The following SPATA21 variants were observed in gnomAD, a reference collection of about 807,000 sequenced individuals.
SPATA21 encodes the protein spermatogenesis associated 21.
In SPATA21, 47 loss-of-function variants were observed where a neutral mutation model predicts 54.8. That is an observed-to-expected ratio of 0.86 (90% CI 0.68 to 1.09). The LOEUF is 1.09. SPATA21 is among the 50% of genes least tolerant of loss of function. SPATA21 has a pLI of 0.00. For synonymous variants in SPATA21, 245 were observed against 235.3 expected (o/e 1.04, Z -0.38); for missense variants, 599 against 596.4 (o/e 1.00, Z -0.05).
At chr1:16,432,119 T>C (rs1323779085) in intron 2 of SPATA21, among the ~76,000 whole-genome samples, 5 of 150,138 alleles carry the variant, frequency 3.3e-5, no homozygotes, top group African/African-American at 9.8e-5. Context: ...TTCTTCTTTT[T>C]TTTTTTTTTT....
At chr1:16,429,004 T>C (rs2086389415) in intron 3 of SPATA21, among the ~76,000 whole-genome samples, 1 of 151,840 alleles carries the variant, frequency 6.6e-6, no homozygotes, top group South Asian at 2.1e-4. Context: ...AAAAAATAAA[T>C]GGGTGGATGA....
rs1570177502 is a variant in SPATA21 at position 16,421,399 on chromosome 1, C to T, written c.144+110G>A. On this transcript the variant is annotated intron_variant, in intron 5 of 12. Transcript: ENST00000335496. The surrounding 1 kb of genome is among the most constrained non-coding windows in gnomAD (Gnocchi z 5.2). ...CACACACACCTTCCTTGGTTTGACT[C>T]CAAATAGGGGTTTGACGTGCCACAT... 8 of 1,120,558 alleles carry T rather than the reference C, an allele frequency of 7.1e-6. No individual in the cohort carries two copies. The highest frequency in any genetic ancestry group is 4.1e-4 in the Middle Eastern group (2 of 4,928). 69.4% of individuals were successfully genotyped at this position (1,120,558 alleles called of 1,614,324 possible). A position where few individuals can be genotyped will look rare whatever the true frequency, so the allele number is the denominator to read the frequency against.
intron 5 of SPATA21, among the ~76,000 whole-genome samples, chr1:16,414,330 A>G (rs2085938322): frequency 6.6e-6 from 1 of 152,090 alleles, no homozygotes; most frequent in African/African-American, 2.4e-5. Flanking sequence ...CAGCCACTCA[A>G]AGTGTTGGGA....
chr1:16,400,863 G>T lies in SPATA21; in HGVS notation c.1031C>A (p.Thr344Asn). 6.2e-7 allele frequency: 1 copy of T among 1,613,402 alleles called. No individual in the cohort carries two copies. Among genetic ancestry groups the T allele is most frequent in the South Asian group, 1.1e-5 (1 of 91,072 alleles). ...CGCTTCCATCTCCTGGGCCTTGCAG[G>T]TGCCTTCCTTCAGCTTTTTCTGGTA... ...NYYQKKLKEG[T>N]CKAQEMEAAV... Residue 344 changes from threonine (T) to asparagine (N), a missense_variant, in exon 11 of 13, where the codon ACC (threonine) becomes AAC (asparagine). Transcript: ENST00000335496.
At chr1:16,405,954 G>A (rs776367071) in intron 7 of SPATA21, among the ~76,000 whole-genome samples, 5 of 152,174 alleles carry the variant, frequency 3.3e-5, no homozygotes, top group Non-Finnish European at 7.3e-5. Context: ...GCTGTAAAGA[G>A]CCTAGTCCAG....
At chr1:16,400,529 A>G in intron 11 of SPATA21, 191 bp downstream of exon 11, 1 of 1,371,928 alleles carries the variant, frequency 7.3e-7, no homozygotes, top group Non-Finnish European at 9.4e-7. Flanking sequence ...GCAGGAGGCC[A>G]TTGTCATAGG....
intron 10 of SPATA21, among the ~76,000 whole-genome samples, chr1:16,402,168 T>A (rs868609969): frequency 1.3e-5 from 2 of 150,662 alleles, no homozygotes; most frequent in Middle Eastern, 3.2e-3. Context: ...GTTAAGCACC[T>A]GTGGGGCACC....
Position 16,421,477 on chromosome 1 carries a change from C to G in SPATA21, c.144+32G>C. On this transcript the variant is annotated intron_variant, in intron 5 of 12. Coordinates refer to ENST00000335496, the MANE Select transcript of SPATA21 (RefSeq NM_198546.1). This position sits in a 1 kb window ranked among gnomAD's most constrained non-coding sequence, Gnocchi z 5.2. ...TCCCCCCTGCCTTTCTCCTACACAG[C>G]TCGTCCCCGTTCCCCCTATGGCCCT... The G allele has an allele frequency of 6.2e-7, 1 of 1,601,128 alleles. No homozygotes were observed. The highest frequency in any genetic ancestry group is 8.5e-7 in the Non-Finnish European group (1 of 1,174,026).
intron 1 of SPATA21, among the ~76,000 whole-genome samples, chr1:16,434,250 C>T (rs1265342209): frequency 4.6e-5 from 7 of 151,710 alleles, no homozygotes; most frequent in Non-Finnish European, 7.4e-5. Flanking sequence ...TTTATCCATT[C>T]ATCAGTAGAT....
Position 16,409,918 on chromosome 1 carries a change from C to T in SPATA21, c.270G>A (p.Leu90=). The T allele has an allele frequency of 6.2e-7, 1 of 1,613,946 alleles. No individual in the cohort carries two copies. Among genetic ancestry groups the T allele is most frequent in the Non-Finnish European group, 8.5e-7 (1 of 1,179,914 alleles). Residue 90 remains leucine (L), a synonymous_variant, in exon 6 of 13, where the codon CTG becomes CTA. Transcript: ENST00000335496. This position sits in a 1 kb window ranked among gnomAD's most constrained non-coding sequence, Gnocchi z 4.1. ...NFRQGFMKCL[L]EVEKMEASHR... ...GGGAGGCCTCCATTTTCTCCACCTC[C>T]AGCAAGCACTTCATGAAGCCCTGCC...
intron 10 of SPATA21, among the ~76,000 whole-genome samples, chr1:16,401,107 G>A (rs2085433255): frequency 6.6e-6 from 1 of 152,134 alleles, no homozygotes; most frequent in East Asian, 1.9e-4. Context: ...GGAGGGAAGG[G>A]GTTCTCTCTA....
intron 8 of SPATA21, among the ~76,000 whole-genome samples, chr1:16,404,446 G>A (rs1026789356): frequency 9.2e-5 from 14 of 152,120 alleles, no homozygotes; most frequent in Middle Eastern, 3.4e-3. Context: ...CTCCAGCCTG[G>A]GCGACAGAGC....
intron 7 of SPATA21, among the ~76,000 whole-genome samples, chr1:16,406,449 A>G (rs1401249721): frequency 6.6e-6 from 1 of 152,196 alleles, no homozygotes; most frequent in Non-Finnish European, 1.5e-5. Context: ...CCTCATACAA[A>G]AAGAAAATTT....
chr1:16,410,003 G>T lies in SPATA21; in HGVS notation c.185C>A (p.Ala62Glu), dbSNP rs754680145. ...DIGERREPDR[A>E]QQQPQKPAVA... is the part of the protein sequence containing the mutation. The stretch of plus-strand genomic sequence containing the variant: ...CGCGGGCTTCTGAGGCTGCTGCTGC[G>T]CACGGTCTGGCTCCCGCCTCTCTCC... The change falls in exon 6 of 13, where the codon GCG (alanine) becomes GAG (glutamate). Residue 62 changes from alanine (A) to glutamate (E), a missense_variant. Physicochemically the swap from Ala to Glu is moderately radical, Grantham distance 107 (BLOSUM62 -1). Coordinates refer to ENST00000335496, the MANE Select transcript of SPATA21 (RefSeq NM_198546.1). 3 of 1,586,230 alleles carry T rather than the reference G, an allele frequency of 1.9e-6. No homozygotes were observed. Among genetic ancestry groups the T allele is most frequent in the Non-Finnish European group, 2.6e-6 (3 of 1,167,400 alleles).
rs2085740918 is a variant in SPATA21, at chr1:16,409,035, C to G, written c.673+83G>C. The G allele has an allele frequency of 1.0e-5, 15 of 1,460,722 alleles. No individual in the cohort carries two copies. The highest frequency in any genetic ancestry group is 1.7e-4 in the Middle Eastern group (1 of 5,762). 90.5% of individuals were successfully genotyped at this position (1,460,722 alleles called of 1,614,324 possible). A position where few individuals can be genotyped will look rare whatever the true frequency, so the allele number is the denominator to read the frequency against. On this transcript the variant is annotated intron_variant, in intron 7 of 12. Transcript: ENST00000335496. This position sits in a 1 kb window ranked among gnomAD's most constrained non-coding sequence, Gnocchi z 4.1. ...CGGCAGCCATGTGATCTGGAAAGCACCCCAGTCCGCCCTGCGCCTATAAAC... is the reference window on the plus strand; with the variant it reads ...CGGCAGCCATGTGATCTGGAAAGCAGCCCAGTCCGCCCTGCGCCTATAAAC...
Position 16,398,795 on chromosome 1 carries a change from C to A in SPATA21, c.1380G>T (p.Trp460Cys). The stretch of plus-strand genomic sequence containing the variant: ...GGGTTCGAGCTGGCACAGAGCTGAG[C>A]CACTTTCTGCTGTCAGAGTTGTGTT... ...NREHNSDSRKWLSSVPARTH is the reference protein window; with the variant it reads ...NREHNSDSRKCLSSVPARTH Residue 460 changes from tryptophan (W) to cysteine (C), a missense_variant, in exon 13 of 13, where the codon TGG becomes TGT. Trp to Cys is a radical substitution (Grantham distance 215). Coordinates refer to ENST00000335496, the MANE Select transcript of SPATA21 (RefSeq NM_198546.1). The A allele has an allele frequency of 6.2e-7, 1 of 1,613,638 alleles. No homozygotes were observed. Among genetic ancestry groups the A allele is most frequent in the South Asian group, 1.1e-5 (1 of 91,060 alleles).
At chr1:16,433,527 G>GA (rs2086512146) in intron 1 of SPATA21, among the ~76,000 whole-genome samples, 1 of 152,202 alleles carries the variant, frequency 6.6e-6, no homozygotes. Context: ...ACCACCTAGG[G>GA]AAAATCTCCC....
At chr1:16,408,975 G>A in intron 7 of SPATA21, 143 bp downstream of exon 7, 2 of 789,250 alleles carry the variant, frequency 2.5e-6, no homozygotes, top group South Asian at 3.5e-5. Context: ...CATAGGCCAA[G>A]TGCAGAAAAC....
rs549842054 is a variant in SPATA21 at position 16,409,298 on chromosome 1, G to A, written c.588-95C>T. ...TTGGGGGAGCCTGCAGGAGGAGGTCGTGGGGGAGGCTTTGGGGAGCCCGGA... is the reference window on the plus strand; with the variant it reads ...TTGGGGGAGCCTGCAGGAGGAGGTCATGGGGGAGGCTTTGGGGAGCCCGGA... On this transcript the variant is annotated intron_variant, in intron 6 of 12. Coordinates refer to ENST00000335496, the MANE Select transcript of SPATA21 (RefSeq NM_198546.1). This position sits in a 1 kb window ranked among gnomAD's most constrained non-coding sequence, Gnocchi z 4.1. 14 of 1,377,388 alleles carry A rather than the reference G, an allele frequency of 1.0e-5. No individual in the cohort carries two copies. The highest frequency in any genetic ancestry group is 2.4e-5 in the East Asian group (1 of 42,290). 85.3% of individuals were successfully genotyped at this position (1,377,388 alleles called of 1,614,324 possible).
Sources: gnomAD v4.1 joint callset for allele counts (sites outside exome capture counted in the v4.1 genomes callset) on GRCh38, gnomAD v4.1.1 for gene constraint, Gnocchi (gnomAD v3.1) non-coding constraint, MANE v1.5 for transcripts, NCBI Gene and HGNC (gene_info 2026-07-23, HGNC 2026-07-21) for gene names.